EYS: variants seen among roughly 807,000 people sequenced by gnomAD.
EYS encodes protein eyes shut homolog.
A neutral mutation model predicts 282.1 loss-of-function variants in EYS; 250 were observed. The observed-to-expected ratio is 0.89, with a 90% confidence interval of 0.80 to 0.98. The LOEUF is 0.98. Ranked by LOEUF, EYS falls within the 50% of genes least tolerant of loss-of-function variation. EYS has a pLI of 0.00. For synonymous variants in EYS, 1,355 were observed against 1,282.9 expected, an observed-to-expected ratio of 1.06 and a Z score of -1.20; for missense variants, 4,016 against 3,709.0, an observed-to-expected ratio of 1.08 and a Z score of -2.15.
At chr6:64,635,266 C>CA (rs1393999418) in intron 22 of EYS, among the ~76,000 whole-genome samples, 6 of 152,232 alleles carry the variant, frequency 3.9e-5, no homozygotes, top group South Asian at 4.1e-4. Flanking sequence ...ATGTCATCTG[C>CA]AACAGGGACA....
chr6:64,652,380 G>A (rs1017149050), intron 22 of EYS, among the ~76,000 whole-genome samples: 4 of 152,158 alleles, frequency 2.6e-5, no homozygotes, highest in Non-Finnish European at 5.9e-5. Context: ...GCAATAATTT[G>A]CATTGTGAAC....
intron 12 of EYS, among the ~76,000 whole-genome samples, chr6:65,234,193 G>A (rs1186039736): frequency 6.6e-6 from 1 of 152,154 alleles, no homozygotes; most frequent in African/African-American, 2.4e-5. Flanking sequence ...TTTGTCATAC[G>A]GCCAGCCTCT....
At chr6:64,488,160 T>TA (rs1386469387) in intron 26 of EYS, among the ~76,000 whole-genome samples, 1 of 151,034 alleles carries the variant, frequency 6.6e-6, no homozygotes, top group Non-Finnish European at 1.5e-5. Flanking sequence ...TAATACAATT[T>TA]AAAAAAATAA....
intron 7 of EYS, among the ~76,000 whole-genome samples, chr6:65,393,245 C>T (rs1441752038): frequency 3.9e-5 from 6 of 152,152 alleles, no homozygotes; most frequent in Middle Eastern, 3.4e-3. Flanking sequence ...GTGGGTGCAG[C>T]GCACCAGCAT....
chr6:64,685,542 C>G (rs1005167580), intron 22 of EYS, among the ~76,000 whole-genome samples: 1 of 152,062 alleles, frequency 6.6e-6, no homozygotes. Context: ...AAGAGTCTGG[C>G]ACCTCCAGTC....
At chr6:63,784,741 A>C (rs1294181358) in intron 39 of EYS, among the ~76,000 whole-genome samples, 6 of 151,926 alleles carry the variant, frequency 3.9e-5, no homozygotes, top group Admixed American at 3.9e-4. Flanking sequence ...GGAGATCACA[A>C]TTTGACATGA....
At chr6:65,389,397 A>C (rs1486683011) in intron 7 of EYS, among the ~76,000 whole-genome samples, 2 of 151,948 alleles carry the variant, frequency 1.3e-5, no homozygotes, top group Non-Finnish European at 2.9e-5. Flanking sequence ...TGCCATGAAC[A>C]CTCTTCCCTT....
chr6:64,548,320 A>G (rs1171145775), intron 26 of EYS, among the ~76,000 whole-genome samples: 1 of 152,192 alleles, frequency 6.6e-6, no homozygotes, highest in East Asian at 1.9e-4. Flanking sequence ...CAGCAATTAC[A>G]TTACTGGGTA....
chr6:65,360,931 T>C (rs1764679613), intron 8 of EYS, among the ~76,000 whole-genome samples: 1 of 152,064 alleles, frequency 6.6e-6, no homozygotes, highest in Non-Finnish European at 1.5e-5. Context: ...AGACATGAAA[T>C]AGGAAATGCA....
intron 14 of EYS, among the ~76,000 whole-genome samples, chr6:64,965,739 T>C (rs1770073241): frequency 6.6e-6 from 1 of 152,170 alleles, no homozygotes; most frequent in African/African-American, 2.4e-5. Flanking sequence ...TTGCTTGCTT[T>C]TTTATAGTTT....
rs1769260808 is a variant in EYS at position 65,314,966 on chromosome 6, C to T, written c.1767-18847G>A. Among the ~76,000 whole-genome samples, 6 of 152,152 alleles carry T rather than the reference C, an allele frequency of 3.9e-5. No homozygotes were observed. In the South Asian group the frequency reaches 1.0e-3, roughly 26 times the overall value. On this transcript the variant is annotated intron_variant, in intron 11 of 42. Coordinates refer to ENST00000503581, the MANE Select transcript of EYS (RefSeq NM_001142800.2). ...AGTAAATCATATCACCAAAACACTT[C>T]TCATTCCAATGCTTGATAGTTATGG... is the stretch of plus-strand genomic sequence containing the variant.
At chr6:63,876,851 C>G (rs915804936) in intron 35 of EYS, among the ~76,000 whole-genome samples, 2 of 151,976 alleles carry the variant, frequency 1.3e-5, no homozygotes, top group African/African-American at 4.8e-5. Context: ...TTATTTTGAG[C>G]CTATGTGTGT....
At chr6:65,593,675 A>C (rs1258201105) in intron 2 of EYS, among the ~76,000 whole-genome samples, 1 of 151,958 alleles carries the variant, frequency 6.6e-6, no homozygotes, top group African/African-American at 2.4e-5. Context: ...TTACTCTCCC[A>C]TAGCAAATTC....
intron 5 of EYS, among the ~76,000 whole-genome samples, chr6:65,436,240 T>C (rs529888114): frequency 5.1e-4 from 77 of 152,280 alleles, no homozygotes; most frequent in African/African-American, 1.8e-3. Flanking sequence ...CTTTTGAAGA[T>C]TAAATGCCAG....
At chr6:65,555,371 C>A (rs1768757759) in intron 2 of EYS, among the ~76,000 whole-genome samples, 1 of 151,980 alleles carries the variant, frequency 6.6e-6, no homozygotes. Context: ...AGTTTTATTT[C>A]TTCTCTTATC....
chr6:64,714,407 A>G (rs1422561585), intron 22 of EYS, among the ~76,000 whole-genome samples: 2 of 152,204 alleles, frequency 1.3e-5, no homozygotes, highest in Admixed American at 6.5e-5. Context: ...ATATGACATA[A>G]TAGATTTCAC....
At chr6:64,212,229 G>T (rs186713404) in intron 31 of EYS, among the ~76,000 whole-genome samples, 1 of 151,942 alleles carries the variant, frequency 6.6e-6, no homozygotes, top group Non-Finnish European at 1.5e-5. Context: ...AAATCTGGAA[G>T]TATATAATTA....
At chr6:64,606,749 C>A (rs754573672) in intron 24 of EYS, among the ~76,000 whole-genome samples, 2 of 151,738 alleles carry the variant, frequency 1.3e-5, no homozygotes, top group Non-Finnish European at 2.9e-5. Context: ...AGTCTTCAAA[C>A]TCTGGGAATG....
intron 36 of EYS, among the ~76,000 whole-genome samples, chr6:63,846,004 A>G (rs1772088723): frequency 6.6e-6 from 1 of 152,202 alleles, no homozygotes; most frequent in Admixed American, 6.5e-5. Flanking sequence ...AGAAGTGTTT[A>G]TTATAACAAG....
Sources: allele counts gnomAD v4.1 joint callset (sites outside exome capture counted in the v4.1 genomes callset), GRCh38; gene constraint gnomAD v4.1.1; transcripts MANE v1.5; gene names NCBI Gene and HGNC (gene_info 2026-07-23, HGNC 2026-07-21).